Variants in FARS2 observed in about 807,000 individuals in gnomAD.
FARS2 encodes phenylalanine--tRNA ligase, mitochondrial.
FARS2 carries 40 observed loss-of-function variants against 46.4 expected under a neutral mutation model. The observed-to-expected ratio is 0.86, with a 90% confidence interval of 0.67 to 1.12. The LOEUF (loss-of-function observed/expected upper bound fraction) is 1.12, where lower values mean the gene tolerates loss of function less well. FARS2 is among the 50% of genes most tolerant of loss of function. FARS2 has a pLI of 0.00. For missense variants in FARS2, 513 were observed against 567.9 expected (o/e 0.90, Z 0.98); for synonymous variants, 234 against 214.9 (o/e 1.09, Z -0.78).
upstream of FARS2, chr6:5,260,881 G>A (rs1765050328): frequency 2.8e-6 from 4 of 1,427,916 alleles, no homozygotes; most frequent in Admixed American, 2.8e-5. Context: ...AGCCTAAGCG[G>A]GCAGCCCTGC....
At chr6:5,564,679 C>T (rs1468141270) in intron 5 of FARS2, among the ~76,000 whole-genome samples, 1 of 152,176 alleles carries the variant, frequency 6.6e-6, no homozygotes, top group East Asian at 1.9e-4. Context: ...TTTACATAGA[C>T]CTTTTGGATT....
chr6:5,259,956 G>T (rs1192957527), upstream of FARS2, among the ~76,000 whole-genome samples: 1 of 152,168 alleles, frequency 6.6e-6, no homozygotes, highest in Non-Finnish European at 1.5e-5. Context: ...GCAAATAGGG[G>T]AGTGGGGAGG....
chr6:5,664,018 C>T (rs1322484130), intron 6 of FARS2, among the ~76,000 whole-genome samples: 3 of 152,254 alleles, frequency 2.0e-5, no homozygotes, highest in South Asian at 4.1e-4. Context: ...GCCCCCCTGG[C>T]CTCCTCAGCC....
At chr6:5,401,099 TA>T (rs1330868335) in intron 2 of FARS2, among the ~76,000 whole-genome samples, 1 of 152,098 alleles carries the variant, frequency 6.6e-6, no homozygotes, top group Non-Finnish European at 1.5e-5. Flanking sequence ...TGGCCAGATT[TA>T]TTTTTTTAAG....
At chr6:5,707,616 A>T (rs1004909208) in intron 6 of FARS2, among the ~76,000 whole-genome samples, 2 of 152,232 alleles carry the variant, frequency 1.3e-5, no homozygotes, top group African/African-American at 2.4e-5. Flanking sequence ...CAACACTAGT[A>T]TCCTTGTGAG....
intron 2 of FARS2, among the ~76,000 whole-genome samples, chr6:5,379,712 T>C (rs932693905): frequency 6.6e-6 from 1 of 152,036 alleles, no homozygotes; most frequent in African/African-American, 2.4e-5. Flanking sequence ...GCTATGAAAA[T>C]GATCAAATGG....
In FARS2 at chr6:5,534,766, TACAC is replaced by T. The variant is rs1228018545; in HGVS notation, c.905-10408_905-10405del. On this transcript the variant is annotated intron_variant, in intron 4 of 6. Coordinates refer to ENST00000274680, the MANE Select transcript of FARS2 (RefSeq NM_006567.5). ...CTCCTTTACTCAGTTCTTTTAGAGA[TACAC>T]ACACAGAGGCATATATACATATATA... Among the ~76,000 whole-genome samples the T allele has an allele frequency of 3.3e-5, 5 of 152,110 alleles. No individual in the cohort carries two copies. The East Asian group carries it at 9.6e-4, about 29-fold the overall frequency.
chr6:5,422,156 G>A (rs187760932), intron 3 of FARS2, among the ~76,000 whole-genome samples: 82 of 152,210 alleles, frequency 5.4e-4, no homozygotes, highest in African/African-American at 1.6e-3. Flanking sequence ...AGCTTGTGCA[G>A]GGAAACTCCT....
At chr6:5,349,191 G>A (rs1757419791) in intron 1 of FARS2, among the ~76,000 whole-genome samples, 1 of 152,162 alleles carries the variant, frequency 6.6e-6, no homozygotes, top group Admixed American at 6.5e-5. Flanking sequence ...CATTAGCAAT[G>A]AATATGTGGA....
In FARS2 at chr6:5,296,352, A is replaced by G. The variant is rs141188290; in HGVS notation, c.-22+34692A>G. ...GAGATGGGGTTTCACTGTGTTAGCC[A>G]GGATGGTCTCGATCTCCTGACCTCG... On this transcript the variant is annotated intron_variant, in intron 1 of 6. Transcript: ENST00000274680. Among the ~76,000 whole-genome samples, 1,126 of 152,110 alleles carry G rather than the reference A, an allele frequency of 7.4e-3. 14 individuals are homozygous for G. Among genetic ancestry groups the G allele is most frequent in the African/African-American group, 0.026 (1,063 of 41,490 alleles).
chr6:5,514,197 C>G (rs1280911143), intron 4 of FARS2, among the ~76,000 whole-genome samples: 1 of 151,640 alleles, frequency 6.6e-6, no homozygotes, highest in Non-Finnish European at 1.5e-5. Context: ...GCAGCCAAAC[C>G]CTTAAATGAA....
At chr6:5,704,998 T>G (rs1758653765) in intron 6 of FARS2, among the ~76,000 whole-genome samples, 1 of 152,230 alleles carries the variant, frequency 6.6e-6, no homozygotes, top group African/African-American at 2.4e-5. Context: ...GCTGTCATTA[T>G]TATAGTTCTC....
rs562525360 is a variant in FARS2 at position 5,690,102 on chromosome 6, G to C, written c.1217+76782G>C. On this transcript the variant is annotated intron_variant, in intron 6 of 6. Transcript: ENST00000274680. Reference sequence around the variant, plus strand: ...TGAGCCTATGTGTGTCTCTGCACGTGAGATGGTTTCCTGAATACAGCACAC... The same window carrying C: ...TGAGCCTATGTGTGTCTCTGCACGTCAGATGGTTTCCTGAATACAGCACAC... Among the ~76,000 whole-genome samples, 24 of 152,282 alleles carry C rather than the reference G, an allele frequency of 1.6e-4. No individual in the cohort carries two copies. The South Asian group carries it at 3.7e-3, about 24-fold the overall frequency.
intron 4 of FARS2, among the ~76,000 whole-genome samples, chr6:5,503,486 T>G (rs1356608272): frequency 2.0e-5 from 3 of 151,432 alleles, no homozygotes; most frequent in African/African-American, 7.3e-5. Flanking sequence ...AGTAATCACT[T>G]CACTATACAT....
chr6:5,326,327 T>TAG (rs1365790273), intron 1 of FARS2, among the ~76,000 whole-genome samples: 2 of 152,180 alleles, frequency 1.3e-5, no homozygotes, highest in East Asian at 3.8e-4. Context: ...CTGTTCTGAG[T>TAG]AGAACAGTCA....
intron 6 of FARS2, among the ~76,000 whole-genome samples, chr6:5,665,638 G>C (rs1202863289): frequency 6.6e-6 from 1 of 152,188 alleles, no homozygotes; most frequent in Non-Finnish European, 1.5e-5. Flanking sequence ...GCATGTTAGT[G>C]ATCTGGGATA....
chr6:5,448,117 C>T (rs1764282060), intron 4 of FARS2, among the ~76,000 whole-genome samples: 2 of 152,010 alleles, frequency 1.3e-5, no homozygotes, highest in South Asian at 4.1e-4. Context: ...GCCTAGGGGA[C>T]AGTGAGAGTG....
chr6:5,412,310 C>T (rs114294999), intron 3 of FARS2, among the ~76,000 whole-genome samples: 210 of 152,328 alleles, frequency 1.4e-3, no homozygotes, highest in Non-Finnish European at 2.6e-3. Flanking sequence ...TACAAAGGCC[C>T]TCCATGGGCC....
At chr6:5,379,074 G>A (rs1325304881) in intron 2 of FARS2, among the ~76,000 whole-genome samples, 2 of 152,192 alleles carry the variant, frequency 1.3e-5, no homozygotes, top group African/African-American at 4.8e-5. Context: ...CCCTTACTGG[G>A]CTTTCAGCAA....
Sources: allele counts gnomAD v4.1 joint callset (sites outside exome capture counted in the v4.1 genomes callset), GRCh38; gene constraint gnomAD v4.1.1; transcripts MANE v1.5; gene names NCBI Gene and HGNC (gene_info 2026-07-23, HGNC 2026-07-21).